The following CNTNAP4 variants were observed in gnomAD, a reference collection of about 807,000 sequenced individuals.
CNTNAP4 encodes the protein contactin-associated protein-like 4.
A neutral mutation model predicts 148.4 loss-of-function variants in CNTNAP4; 98 were observed. The ratio of observed to expected loss-of-function variants is 0.66; its 90% CI spans 0.56 to 0.78. CNTNAP4 has a LOEUF of 0.78. Among genes scored for constraint, CNTNAP4 ranks in the 30% least tolerant of loss-of-function variants. CNTNAP4 has a pLI of 0.00. For missense variants in CNTNAP4, 1,935 were observed against 1,565.6 expected (o/e 1.24, Z -3.98); for synonymous variants, 730 against 565.1 (o/e 1.29, Z -4.14).
chr16:76,465,192 T>A (rs1335339470), intron 9 of CNTNAP4, among the ~76,000 whole-genome samples: 1 of 152,214 alleles, frequency 6.6e-6, no homozygotes, highest in African/African-American at 2.4e-5. Flanking sequence ...CAGTAATGGA[T>A]CCATCCATTA....
chr16:76,309,755 AG>A (rs1004015036), intron 1 of CNTNAP4: 5 of 671,876 alleles, frequency 7.4e-6, no homozygotes, highest in African/African-American at 5.3e-5. Context: ...GTTTGGGCGG[AG>A]GGGGTGGTCC....
In CNTNAP4 at chr16:76,509,365, C is replaced by A. The variant is rs770458674; in HGVS notation, c.2365+10671C>A. 2.1e-5 allele frequency among the ~76,000 whole-genome samples: 2 copies of A among 96,572 alleles called. 1 individual carries two copies. The highest frequency in any genetic ancestry group is 5.9e-5 in the Non-Finnish European group (2 of 34,094). 63.4% of individuals were successfully genotyped at this position (96,572 alleles called of 152,430 possible). A position where few individuals can be genotyped will look rare whatever the true frequency, so the allele number is the denominator to read the frequency against. ...ATGTCTCCAAACATTGCCAAATGTC[C>A]CCTGGGTAAAGAATTGCCCTAGGTG... On this transcript the variant is annotated intron_variant, in intron 15 of 23. Coordinates refer to ENST00000611870, the MANE Select transcript of CNTNAP4 (RefSeq NM_033401.5).
chr16:76,292,705 A>G (rs1424260827), intron 1 of CNTNAP4, among the ~76,000 whole-genome samples: 1 of 146,556 alleles, frequency 6.8e-6, no homozygotes, highest in African/African-American at 2.7e-5. Context: ...CTTATCAAAA[A>G]TATTTTTTTT....
intron 23 of CNTNAP4, among the ~76,000 whole-genome samples, chr16:76,554,714 A>G (rs1238108249): frequency 6.6e-6 from 1 of 151,990 alleles, no homozygotes; most frequent in Non-Finnish European, 1.5e-5. Flanking sequence ...TTGCATTGCC[A>G]GGGAGATACA....
intron 4 of CNTNAP4, among the ~76,000 whole-genome samples, chr16:76,429,875 A>G (rs9923805): frequency 0.21 from 31,827 of 152,142 alleles, 4,203 homozygotes; most frequent in East Asian, 0.37. Flanking sequence ...ACTGGAAGCC[A>G]GCAGGATTTT....
rs1006617320 is a variant in CNTNAP4 at position 76,330,967 on chromosome 16, G to C, written c.196+14444G>C. ...GATCTGTAAAAATTGGACTTTATTT[G>C]ATGAGTGATTATTTTACTAAAGTTT... is the stretch of plus-strand genomic sequence containing the variant. On this transcript the variant is annotated intron_variant, in intron 2 of 23. Coordinates refer to ENST00000611870, the MANE Select transcript of CNTNAP4 (RefSeq NM_033401.5). 2.0e-5 allele frequency among the ~76,000 whole-genome samples: 3 copies of C among 152,282 alleles called. No individual in the cohort carries two copies. In the South Asian group the frequency reaches 6.2e-4, roughly 32 times the overall value.
intron 9 of CNTNAP4, among the ~76,000 whole-genome samples, chr16:76,465,146 G>C (rs1190436595): frequency 6.6e-6 from 1 of 152,156 alleles, no homozygotes; most frequent in Non-Finnish European, 1.5e-5. Flanking sequence ...TAATTTATCT[G>C]TTATCCTCGG....
chr16:76,306,892 G>T (rs1210712989), intron 1 of CNTNAP4, among the ~76,000 whole-genome samples: 1 of 152,166 alleles, frequency 6.6e-6, no homozygotes, highest in Admixed American at 6.5e-5. Flanking sequence ...GCACTTTATA[G>T]GCAGAGGTAC....
chr16:76,328,479 C>T (rs1311894627), intron 2 of CNTNAP4, among the ~76,000 whole-genome samples: 2 of 152,204 alleles, frequency 1.3e-5, no homozygotes, highest in East Asian at 1.9e-4. Flanking sequence ...CATGACTAAA[C>T]GCAACAACAT....
At chr16:76,345,517 G>A (rs534124684) in intron 2 of CNTNAP4, among the ~76,000 whole-genome samples, 67 of 152,278 alleles carry the variant, frequency 4.4e-4, no homozygotes, top group East Asian at 1.7e-3. Flanking sequence ...AAACAATTCC[G>A]TTGAAGCGCT....
intron 3 of CNTNAP4, among the ~76,000 whole-genome samples, chr16:76,365,250 C>G (rs570179542): frequency 6.6e-6 from 1 of 152,280 alleles, no homozygotes; most frequent in South Asian, 2.1e-4. Flanking sequence ...GTTTTGATAT[C>G]AGTACCATGC....
At chr16:76,345,564 G>A (rs777625974) in intron 2 of CNTNAP4, among the ~76,000 whole-genome samples, 1 of 152,140 alleles carries the variant, frequency 6.6e-6, no homozygotes, top group Non-Finnish European at 1.5e-5. Flanking sequence ...AGGACATTGG[G>A]GATGCGGGGG....
Position 76,495,081 on chromosome 16 carries a change from A to T in CNTNAP4, c.2237+15A>T, listed in dbSNP as rs1194264220. The T allele has an allele frequency of 6.2e-7, 1 of 1,611,328 alleles. No homozygotes were observed. The highest frequency in any genetic ancestry group is 1.7e-5 in the Admixed American group (1 of 59,806). On this transcript the variant is annotated intron_variant, in intron 14 of 23. Coordinates refer to ENST00000611870, the MANE Select transcript of CNTNAP4 (RefSeq NM_033401.5). ...CGGAATGAATGGTGATTTCCATATG[A>T]TTTCTTTATGCAAGAAAAAGTTCAT...
At chr16:76,418,069 A>G (rs1280414178) in intron 3 of CNTNAP4, among the ~76,000 whole-genome samples, 3 of 145,758 alleles carry the variant, frequency 2.1e-5, no homozygotes, top group African/African-American at 7.3e-5. Flanking sequence ...TGCATCTGAT[A>G]TGACTCAGAA....
intron 2 of CNTNAP4, among the ~76,000 whole-genome samples, chr16:76,328,236 A>T (rs1597209157): frequency 6.6e-6 from 1 of 152,310 alleles, no homozygotes; most frequent in East Asian, 1.9e-4. Context: ...GATAAATTAT[A>T]TTGATAGTAT....
chr16:76,454,239 C>T (rs2080635573), intron 8 of CNTNAP4, among the ~76,000 whole-genome samples: 1 of 151,898 alleles, frequency 6.6e-6, no homozygotes, highest in African/African-American at 2.4e-5. Context: ...CTCAGCCTCC[C>T]AAGTAACTGG....
chr16:76,495,333 A>G (rs1257636925), intron 14 of CNTNAP4: 5 of 221,678 alleles, frequency 2.3e-5, no homozygotes, highest in Admixed American at 5.3e-5. Context: ...GGAATTAATT[A>G]TTATTCCTTT....
chr16:76,537,269 T>C (rs74025037), intron 18 of CNTNAP4, among the ~76,000 whole-genome samples: 5 of 152,162 alleles, frequency 3.3e-5, no homozygotes, highest in Non-Finnish European at 7.4e-5. Flanking sequence ...AATGAAACAA[T>C]TAAAAACTCT....
At chr16:76,412,269 T>C (rs4600491) in intron 3 of CNTNAP4, among the ~76,000 whole-genome samples, 52,944 of 151,226 alleles carry the variant, frequency 0.35, 10,907 homozygotes, top group Non-Finnish European at 0.44. Flanking sequence ...TGAATTATAC[T>C]TTGGGTCAAT....
Sources: allele counts gnomAD v4.1 joint callset (sites outside exome capture counted in the v4.1 genomes callset), GRCh38; gene constraint gnomAD v4.1.1; transcripts MANE v1.5; gene names NCBI Gene and HGNC (gene_info 2026-07-23, HGNC 2026-07-21).